The following EPS8L2 variants were observed in gnomAD, a reference collection of about 807,000 sequenced individuals.
EPS8L2 encodes the protein EPS8 signaling adaptor L2, also known as epidermal growth factor receptor kinase substrate 8-like protein 2.
In EPS8L2, 81 loss-of-function variants were observed where a neutral mutation model predicts 99.4. That is an observed-to-expected ratio of 0.82 (90% CI 0.68 to 0.98). The LOEUF is 0.98. Among genes scored for constraint, EPS8L2 ranks in the 50% least tolerant of loss-of-function variants. EPS8L2 has a pLI of 0.00. For missense variants in EPS8L2, 1,155 were observed against 968.8 expected (o/e 1.19, Z -2.55); for synonymous variants, 509 against 407.3 (o/e 1.25, Z -3.01).
At chr11:711,263 TGC>T (rs879730836) in intron 4 of EPS8L2, among the ~76,000 whole-genome samples, 11,004 of 135,484 alleles carry the variant, frequency 0.081, 468 homozygotes, top group South Asian at 0.17. Context: ...CGTGTGTGCG[TGC>T]GTGCGTGTGT....
Position 721,575 on chromosome 11 carries a change from A to G in EPS8L2, c.779A>G (p.Asn260Ser), listed in dbSNP as rs940188070. ...QKIEKETQIL[N>S]CALDDIEWFV... ...CCCCTCTGACCCCAGCAAATCCTCA[A>G]CTGCGCCCTGGACGACATCGAGTGG... The change falls in exon 10 of 21, where the codon AAC becomes AGC. Residue 260 changes from asparagine to serine, a missense_variant. Physicochemically the swap from Asn to Ser is conservative, Grantham distance 46. Transcript: ENST00000318562. 18 of 1,562,556 alleles carry G rather than the reference A, an allele frequency of 1.2e-5. No homozygotes were observed. In the East Asian group the frequency reaches 1.4e-4, roughly 12 times the overall value.
rs1365537257 is a variant in EPS8L2 at position 721,119 on chromosome 11, CCGGCG to C, written c.615_619del (p.Ala206HisfsTer104). ...GTCCATCCTGCCTCCTCCCCAGGGC[CCGGCG>C]CCCATCCCCTTCCAGCACCGCGGCG... is the stretch of plus-strand genomic sequence containing the variant. On this transcript the variant is annotated frameshift_variant, in exon 8 of 21. Transcript: ENST00000318562. LOFTEE classifies it high-confidence loss of function. The C allele has an allele frequency of 6.5e-7, 1 of 1,534,806 alleles. No homozygotes were observed. The highest frequency in any genetic ancestry group is 8.7e-7 in the Non-Finnish European group (1 of 1,143,060).
At chr11:723,167 C>T in intron 14 of EPS8L2, 74 bp from the exon 15 acceptor site, 1 of 743,594 alleles carries the variant, frequency 1.3e-6, no homozygotes, top group Non-Finnish European at 2.3e-6. Flanking sequence ...TAGCCCAGCC[C>T]CTGTCATATG....
At chr11:720,956 A>AGCCGGCAGGGGAGGGGAGGG in intron 7 of EPS8L2, 47 bp downstream of exon 7, 1 of 1,235,076 alleles carries the variant, frequency 8.1e-7, no homozygotes, top group Non-Finnish European at 1.1e-6. Context: ...GGAGGGGAGG[A>AGCCGGCAGGGGAGGGGAGGG]GCCCGGCAGG....
rs1187108032 is a variant in EPS8L2, at chr11:711,324, G to GTC, written c.165+846_165+847dup. On this transcript the variant is annotated intron_variant, in intron 4 of 20. Transcript: ENST00000318562. ...TCTTCCTTTCTTTCTCTCTCTCTCTGTCTCTCTCTTTTCTTTTCTTTCTTT... is the reference window on the plus strand; with the variant it reads ...TCTTCCTTTCTTTCTCTCTCTCTCTGTCTCTCTCTCTTTTCTTTTCTTTCTTT... Among the ~76,000 whole-genome samples the GTC allele has an allele frequency of 3.5e-4, 53 of 151,122 alleles. 2 individuals are homozygous for GTC. Among genetic ancestry groups the GTC allele is most frequent in the African/African-American group, 1.3e-3 (53 of 41,176 alleles).
At chr11:720,347 C>A in intron 5 of EPS8L2, 124 bp downstream of exon 5, 1 of 1,188,070 alleles carries the variant, frequency 8.4e-7, no homozygotes, top group Non-Finnish European at 1.2e-6. Context: ...CATTCTGGTC[C>A]CTGGAAGAGG....
At position 726,755 on chromosome 11, in the gene EPS8L2, A is replaced by G. The variant is rs1478624937; in HGVS notation, c.2067+4A>G. The G allele has an allele frequency of 1.3e-6, 2 of 1,583,972 alleles. No homozygotes were observed. The highest frequency in any genetic ancestry group is 1.3e-5 in the African/African-American group (1 of 74,642). ...CATGCAGAAGGCCTTCCTGGAGGTG[A>G]GCCCGCCTGCGCTCCGGCGCCACGC... On this transcript the variant is annotated splice_donor_region_variant and intron_variant, in intron 20 of 20. Transcript: ENST00000318562.
intron 1 of EPS8L2, among the ~76,000 whole-genome samples, chr11:707,005 G>C (rs1434625638): frequency 1.3e-5 from 2 of 151,976 alleles, no homozygotes; most frequent in African/African-American, 4.8e-5. Flanking sequence ...CCTGGTGGCA[G>C]GGGAGGGGGA....
At position 725,773 on chromosome 11, in the gene EPS8L2, G is replaced by A. The variant is rs941486166; in HGVS notation, c.1606G>A (p.Gly536Ser). 3 of 1,357,238 alleles carry A rather than the reference G, an allele frequency of 2.2e-6. No individual in the cohort carries two copies. Among genetic ancestry groups the A allele is most frequent in the African/African-American group, 3.0e-5 (2 of 66,360 alleles). 84.1% of individuals were successfully genotyped at this position (1,357,238 alleles called of 1,614,324 possible). A position where few individuals can be genotyped will look rare whatever the true frequency, so the allele number is the denominator to read the frequency against. The stretch of plus-strand genomic sequence containing the variant: ...GTGGTGGAAGCTGCGCAGCCGCAGC[G>A]GCCAGGCGGGGTACGTGCCCTGCAA... The part of the protein sequence containing the change: ...RQWWKLRSRS[G>S]QAGYVPCNIL... The change falls in exon 17 of 21, where the codon GGC becomes AGC. Residue 536 changes from glycine (G) to serine (S), a missense_variant. By Grantham distance (56) the Gly-to-Ser change is moderately conservative. Coordinates refer to ENST00000318562, the MANE Select transcript of EPS8L2 (RefSeq NM_022772.4).
Position 723,335 on chromosome 11 carries a change from G to C in EPS8L2, c.1436G>C (p.Ser479Thr). 4 of 1,568,312 alleles carry C rather than the reference G, an allele frequency of 2.6e-6. No individual in the cohort carries two copies. The highest frequency in any genetic ancestry group is 3.5e-6 in the Non-Finnish European group (4 of 1,150,334). The part of the protein sequence containing the change: ...TPPGDALPPV[S>T]SPHTHRGYQP... ...CCGGGGGATGCCCTACCACCAGTCA[G>C]CTCCCCACATACTCACAGGTAAGCC... The change falls in exon 15 of 21, where the codon AGC becomes ACC. Residue 479 changes from serine to threonine, a missense_variant. Physicochemically the swap from Ser to Thr is moderately conservative, Grantham distance 58. Transcript: ENST00000318562.
intron 4 of EPS8L2, among the ~76,000 whole-genome samples, chr11:718,841 T>C (rs1862082277): frequency 6.6e-6 from 1 of 151,290 alleles, no homozygotes; most frequent in Non-Finnish European, 1.5e-5. Flanking sequence ...GCTAATTTTT[T>C]GTATTTTTAG....
chr11:722,593 C>A, intron 13 of EPS8L2, 44 bp downstream of exon 13: 2 of 1,610,552 alleles, frequency 1.2e-6, no homozygotes, highest in Middle Eastern at 3.3e-4. Flanking sequence ...GGGGGGCCAG[C>A]GCTGCATGGG....
Position 727,214 on chromosome 11 carries a change from G to A in EPS8L2, c.*233G>A, listed in dbSNP as rs780162622. 9 of 465,152 alleles carry A rather than the reference G, an allele frequency of 1.9e-5. No individual in the cohort carries two copies. Among genetic ancestry groups the A allele is most frequent in the Non-Finnish European group, 3.1e-5 (8 of 258,636 alleles). 28.8% of individuals were successfully genotyped at this position (465,152 alleles called of 1,614,324 possible). Reference sequence around the variant, plus strand: ...CCAAACCTGCTGCTTGGTGGTGCCAGCCCCTTGTCCACCTTCTCTTGAGGC... The same window carrying A: ...CCAAACCTGCTGCTTGGTGGTGCCAACCCCTTGTCCACCTTCTCTTGAGGC... On this transcript the variant is annotated 3_prime_UTR_variant, in exon 21 of 21. Transcript: ENST00000318562.
rs183740501 is a variant in EPS8L2, at chr11:724,240, G to A, written c.1455-484G>A. Among the ~76,000 whole-genome samples the A allele has an allele frequency of 8.5e-5, 13 of 152,248 alleles. No individual in the cohort carries two copies. The highest frequency in any genetic ancestry group is 1.5e-4 in the Non-Finnish European group (10 of 68,014). ...CCTCAGCCAGGGCCAGCCCCCCCGC[G>A]CTTTTGAGGTGCAGGTCCCACCCCA... On this transcript the variant is annotated intron_variant, in intron 15 of 20. Coordinates refer to ENST00000318562, the MANE Select transcript of EPS8L2 (RefSeq NM_022772.4). The surrounding 1 kb of genome is among the most constrained non-coding windows in gnomAD (Gnocchi z 5.5).
rs1312058455 is a variant in EPS8L2, at chr11:722,721, C to T, written c.1257C>T (p.Phe419=). 6.2e-7 allele frequency: 1 copy of T among 1,609,080 alleles called. No homozygotes were observed. The highest frequency in any genetic ancestry group is 1.7e-5 in the Admixed American group (1 of 59,482). Residue 419 remains phenylalanine, a synonymous_variant, in exon 14 of 21, where the codon TTC becomes TTT. Transcript: ENST00000318562. ...AGGTGCCCCTCTACGTGCCCAAGTTCCACAGCGGCTGGGAGCCTCCTGTGG... is the reference window on the plus strand; with the variant it reads ...AGGTGCCCCTCTACGTGCCCAAGTTTCACAGCGGCTGGGAGCCTCCTGTGG... The part of the protein sequence containing the change: ...EPQVPLYVPK[F]HSGWEPPVDV...
rs1230015786 is a variant in EPS8L2 at position 724,148 on chromosome 11, C to T, written c.1455-576C>T. Among the ~76,000 whole-genome samples the T allele has an allele frequency of 1.3e-5, 2 of 152,196 alleles. No homozygotes were observed. Among genetic ancestry groups the T allele is most frequent in the Non-Finnish European group, 2.9e-5 (2 of 68,028 alleles). On this transcript the variant is annotated intron_variant, in intron 15 of 20. Coordinates refer to ENST00000318562, the MANE Select transcript of EPS8L2 (RefSeq NM_022772.4). This position sits in a 1 kb window ranked among gnomAD's most constrained non-coding sequence, Gnocchi z 5.5. ...GGAGCTGCCCTGATGACCAGGGCCA[C>T]ACTGACCAGGATGGACGGCCTGGCC... is the stretch of plus-strand genomic sequence containing the variant.
rs760424393 is a variant in EPS8L2, at chr11:725,781, G to C, written c.1614G>C (p.Ala538=). 1.5e-6 allele frequency: 2 copies of C among 1,365,032 alleles called. No homozygotes were observed. Among genetic ancestry groups the C allele is most frequent in the Non-Finnish European group, 1.9e-6 (2 of 1,062,486 alleles). The allele number at this position is 1,365,032 out of a possible 1,614,324, so 84.6% of individuals were successfully genotyped here. Residue 538 remains alanine (A), a synonymous_variant, in exon 17 of 21, where the codon GCG becomes GCC. Coordinates refer to ENST00000318562, the MANE Select transcript of EPS8L2 (RefSeq NM_022772.4). ...WWKLRSRSGQ[A]GYVPCNILGE... is the part of the protein sequence containing the mutation. ...AGCTGCGCAGCCGCAGCGGCCAGGC[G>C]GGGTACGTGCCCTGCAACATCCTAG...
intron 3 of EPS8L2, chr11:710,138 C>T (rs576140377): frequency 1.3e-5 from 6 of 457,394 alleles, no homozygotes; most frequent in African/African-American, 4.0e-5. Context: ...CCTCACCCTC[C>T]GGGACAGAAA....
intron 4 of EPS8L2, among the ~76,000 whole-genome samples, chr11:714,857 T>G (rs906294434): frequency 7.2e-5 from 11 of 152,066 alleles, no homozygotes; most frequent in African/African-American, 2.7e-4. Flanking sequence ...TGGTCTGTAA[T>G]TTTCGTATAA....
Sources: gnomAD v4.1 joint callset for allele counts (sites outside exome capture counted in the v4.1 genomes callset) on GRCh38, gnomAD v4.1.1 for gene constraint, Gnocchi (gnomAD v3.1) non-coding constraint, MANE v1.5 for transcripts, NCBI Gene and HGNC (gene_info 2026-07-23, HGNC 2026-07-21) for gene names.